Variants in TUSC3 observed in about 807,000 individuals in gnomAD.
The protein encoded by TUSC3 is tumor suppressor candidate 3.
In TUSC3, 45 loss-of-function variants were observed where a neutral mutation model predicts 44.8. That is an observed-to-expected ratio of 1.00 (90% CI 0.79 to 1.29). The LOEUF (loss-of-function observed/expected upper bound fraction) is 1.29. Among genes scored for constraint, TUSC3 ranks in the 50% most tolerant of loss-of-function variants. The pLI is 0.00. For synonymous variants in TUSC3, 212 were observed against 152.9 expected (o/e 1.39, Z -2.85); for missense variants, 519 against 437.9 (o/e 1.19, Z -1.65).
intron 2 of TUSC3, among the ~76,000 whole-genome samples, chr8:15,526,004 G>T (rs1801368552): frequency 6.6e-6 from 1 of 151,956 alleles, no homozygotes; most frequent in Admixed American, 6.6e-5. Context: ...TGGTAGTAGG[G>T]TGATATAAAT....
chr8:15,677,104 G>A (rs935292711), intron 6 of TUSC3, among the ~76,000 whole-genome samples: 1 of 151,990 alleles, frequency 6.6e-6, no homozygotes, highest in South Asian at 2.1e-4. Context: ...CCGCAGCCTT[G>A]AACTCCTGGC....
chr8:15,543,057 AAC>A (rs1270768497), intron 1 of TUSC3, among the ~76,000 whole-genome samples: 1 of 152,174 alleles, frequency 6.6e-6, no homozygotes, highest in African/African-American at 2.4e-5. Context: ...TTGGAAGGGA[AAC>A]ACGCTATATT....
chr8:15,806,508 G>C, the TUSC3 span: 1 of 1,112,696 alleles, frequency 9.0e-7, no homozygotes. Flanking sequence ...ACTTTCTCAG[G>C]GTCATCAGTG....
chr8:15,762,936 C>G (rs1310469764), intron 10 of TUSC3, among the ~76,000 whole-genome samples: 1 of 151,990 alleles, frequency 6.6e-6, no homozygotes, highest in Non-Finnish European at 1.5e-5. Context: ...TTATCGTACG[C>G]TTTATTCGTT....
intron 6 of TUSC3, among the ~76,000 whole-genome samples, chr8:15,698,290 A>G (rs1455831134): frequency 6.6e-6 from 1 of 152,196 alleles, no homozygotes; most frequent in Non-Finnish European, 1.5e-5. Flanking sequence ...AAAAAAAATT[A>G]TTGTGTTCTA....
rs181872414 is a variant in TUSC3 at position 15,434,825 on chromosome 8, G to C, written n.91+17520G>C. The stretch of plus-strand genomic sequence containing the variant: ...CTTGCAATAGTTTGCTGAGAATAAT[G>C]GTTTCCAACTTCATCCATGTCCCTA... On this transcript the variant is annotated intron_variant and non_coding_transcript_variant, in intron 1 of 5. Transcript: ENST00000503191. 3.5e-4 allele frequency among the ~76,000 whole-genome samples: 53 copies of C among 152,036 alleles called. 1 individual carries two copies. The East Asian group carries it at 9.5e-3, about 27-fold the overall frequency.
the TUSC3 span, among the ~76,000 whole-genome samples, chr8:15,822,318 C>A: frequency 6.6e-6 from 1 of 152,078 alleles, no homozygotes; most frequent in Non-Finnish European, 1.5e-5. Flanking sequence ...GACTAGGCTA[C>A]ATATTTTAAA....
intron 1 of TUSC3, among the ~76,000 whole-genome samples, chr8:15,459,082 A>G (rs181498172): frequency 1.3e-5 from 2 of 152,320 alleles, no homozygotes; most frequent in South Asian, 4.1e-4. Context: ...CAGTTAAAGT[A>G]TCTATACTCC....
intron 1 of TUSC3, among the ~76,000 whole-genome samples, chr8:15,593,786 T>C (rs1447121910): frequency 2.6e-5 from 4 of 152,184 alleles, no homozygotes; most frequent in African/African-American, 4.8e-5. Flanking sequence ...CTTTATGCTC[T>C]GTGCACTGTT....
At chr8:15,477,514 A>G (rs2129123916) in intron 1 of TUSC3, among the ~76,000 whole-genome samples, 1 of 152,236 alleles carries the variant, frequency 6.6e-6, no homozygotes, top group African/African-American at 2.4e-5. Context: ...CGAGGTCAGG[A>G]GATTGAGACC....
chr8:15,479,755 G>A (rs1800633734), intron 1 of TUSC3, among the ~76,000 whole-genome samples: 1 of 152,000 alleles, frequency 6.6e-6, no homozygotes, highest in Admixed American at 6.6e-5. Flanking sequence ...GGATCATCTT[G>A]GCTATATTGG....
chr8:15,439,865 A>G (rs1799998143), intron 1 of TUSC3, among the ~76,000 whole-genome samples: 1 of 152,186 alleles, frequency 6.6e-6, no homozygotes, highest in Non-Finnish European at 1.5e-5. Context: ...CTCTTGGTTC[A>G]TTAGTAACAA....
chr8:15,532,113 GA>G (rs1801458886), intron 2 of TUSC3, among the ~76,000 whole-genome samples: 1 of 152,002 alleles, frequency 6.6e-6, no homozygotes, highest in Admixed American at 6.6e-5. Context: ...TTTCCTTGCA[GA>G]TAGGAGATAA....
the TUSC3 span, among the ~76,000 whole-genome samples, chr8:15,839,813 G>C: frequency 6.6e-6 from 1 of 152,202 alleles, no homozygotes; most frequent in African/African-American, 2.4e-5. Context: ...GTGGAAGACA[G>C]TGTGGCGATT....
chr8:15,602,892 C>G (rs11995003), intron 1 of TUSC3, among the ~76,000 whole-genome samples: 6,705 of 151,370 alleles, frequency 0.044, 240 homozygotes, highest in African/African-American at 0.1. Flanking sequence ...TACCTTGTAA[C>G]ATAAATAAAA....
chr8:15,824,711 C>A, the TUSC3 span, among the ~76,000 whole-genome samples: 1 of 152,116 alleles, frequency 6.6e-6, no homozygotes, highest in Non-Finnish European at 1.5e-5. Context: ...TGTAACTAAC[C>A]TGCACGTTGT....
the TUSC3 span, among the ~76,000 whole-genome samples, chr8:15,837,587 T>A: frequency 6.6e-6 from 1 of 152,166 alleles, no homozygotes; most frequent in Non-Finnish European, 1.5e-5. Context: ...CCCGAAGTTC[T>A]GTGATTTTTC....
At chr8:15,644,546 A>G (rs1169649027) in intron 2 of TUSC3, among the ~76,000 whole-genome samples, 1 of 152,166 alleles carries the variant, frequency 6.6e-6, no homozygotes, top group African/African-American at 2.4e-5. Context: ...TGACAGAAAC[A>G]TATTCAAGGA....
chr8:15,498,921 T>C (rs776740539), intron 2 of TUSC3, among the ~76,000 whole-genome samples: 15 of 152,234 alleles, frequency 9.9e-5, no homozygotes, highest in African/African-American at 2.9e-4. Context: ...TGTTCCTGTT[T>C]ACCGGATTGA....
Sources: allele counts gnomAD v4.1 joint callset (sites outside exome capture counted in the v4.1 genomes callset), GRCh38; gene constraint gnomAD v4.1.1; transcripts MANE v1.5; gene names NCBI Gene and HGNC (gene_info 2026-07-23, HGNC 2026-07-21).